The following SCRIB variants were observed in gnomAD, a reference collection of about 807,000 sequenced individuals.
The protein encoded by SCRIB is scribble planar cell polarity protein, also known as protein scribble homolog.
A neutral mutation model predicts 170.0 loss-of-function variants in SCRIB; 72 were observed. That is an observed-to-expected ratio of 0.42 (90% CI 0.35 to 0.52). The LOEUF is 0.52. Ranked by LOEUF, SCRIB falls within the 20% of genes least tolerant of loss-of-function variation. The pLI, the probability that SCRIB is intolerant of heterozygous loss-of-function variation, is 0.02. For synonymous variants in SCRIB, 1,298 were observed against 1,044.3 expected, an observed-to-expected ratio of 1.24 and a Z score of -4.68; for missense variants, 2,475 against 2,338.5, an observed-to-expected ratio of 1.06 and a Z score of -1.20.
rs782338125 is a variant in SCRIB, at chr8:143,803,448, C to T, written c.3538G>A (p.Val1180Met). The T allele has an allele frequency of 1.9e-6, 3 of 1,597,402 alleles. No individual in the cohort carries two copies. The highest frequency in any genetic ancestry group is 2.7e-5 in the African/African-American group (2 of 74,978). Residue 1180 changes from valine (V) to methionine (M), a missense_variant, in exon 24 of 37, where the codon GTG (valine) becomes ATG (methionine). Physicochemically the swap from Val to Met is conservative, Grantham distance 21 (BLOSUM62 1). Around this residue, in one of 3 missense-constraint regions of SCRIB, gnomAD observed 1,966 missense variants for 1,742.9 expected, o/e 1.13. Transcript: ENST00000356994. ...HGEAVQLLRS[V>M]GDTLTVLVCD... is the part of the protein sequence containing the mutation. Reference sequence around the variant, plus strand: ...ACCAGCACGGTGAGGGTGTCGCCCACACTGCGGAGCAGCTGCACCGCCTCG... The same window carrying T: ...ACCAGCACGGTGAGGGTGTCGCCCATACTGCGGAGCAGCTGCACCGCCTCG...
intron 28 of SCRIB, 186 bp from the exon 29 acceptor site, chr8:143,793,269 A>C: frequency 4.3e-6 from 2 of 468,940 alleles, no homozygotes; most frequent in Non-Finnish European, 3.7e-6. Context: ...AGTGGGGACA[A>C]CCTCTGCCCC....
At chr8:143,794,627 T>A (rs1026651156) in intron 27 of SCRIB, among the ~76,000 whole-genome samples, 3 of 151,954 alleles carry the variant, frequency 2.0e-5, no homozygotes, top group Middle Eastern at 3.2e-3. Context: ...CACATCCTCC[T>A]GCCTGTCCCC....
At chr8:143,810,171 C>A (rs1815640655) in intron 13 of SCRIB, among the ~76,000 whole-genome samples, 1 of 152,152 alleles carries the variant, frequency 6.6e-6, no homozygotes, top group Non-Finnish European at 1.5e-5. Context: ...GCCGATGACA[C>A]CCACGGCAGT....
chr8:143,805,131 G>A lies in SCRIB; in HGVS notation c.2651C>T (p.Pro884Leu), dbSNP rs782236072. The A allele has an allele frequency of 3.8e-6, 6 of 1,586,292 alleles. No individual in the cohort carries two copies. The highest frequency in any genetic ancestry group is 1.7e-5 in the Admixed American group (1 of 57,864). Residue 884 changes from proline to leucine, a missense_variant, in exon 19 of 37, where the codon CCC becomes CTC. Coordinates refer to ENST00000356994, the MANE Select transcript of SCRIB (RefSeq NM_182706.5). ...CCTCACCGCATCACCAGCCCTGTAGGGTGTGGAGCCTTTCCCACCAGCAAT... is the reference window on the plus strand; with the variant it reads ...CCTCACCGCATCACCAGCCCTGTAGAGTGTGGAGCCTTTCCCACCAGCAAT... ...FSIAGGKGST[P>L]YRAGDAGIFV... is the part of the protein sequence containing the mutation.
intron 33 of SCRIB, 33 bp downstream of exon 33, chr8:143,791,958 G>A (rs1171706677): frequency 9.4e-6 from 14 of 1,492,652 alleles, no homozygotes; most frequent in Non-Finnish European, 1.2e-5. Context: ...CATGCGGCAG[G>A]CTGACCCCCC....
intron 24 of SCRIB, 33 bp downstream of exon 24, chr8:143,803,349 AG>A (rs782553243): frequency 6.6e-7 from 1 of 1,513,972 alleles, no homozygotes; most frequent in South Asian, 1.2e-5. Context: ...GCTGGGCCAG[AG>A]GGAGGCCCGG....
chr8:143,808,574 A>G (rs1815542617), intron 15 of SCRIB, 35 bp downstream of exon 15: 4 of 1,489,470 alleles, frequency 2.7e-6, no homozygotes, highest in Admixed American at 2.4e-5. Flanking sequence ...GGGCCAGGGG[A>G]ATCTGGGTCA....
chr8:143,812,240 T>C, intron 9 of SCRIB, 26 bp downstream of exon 9: 1 of 1,471,942 alleles, frequency 6.8e-7, no homozygotes, highest in Non-Finnish European at 9.5e-7. Context: ...GGCCCCATCC[T>C]TTCTGCCTCC....
At position 143,792,870 on chromosome 8, in the gene SCRIB, G is replaced by C. The variant is rs1489363033; in HGVS notation, c.4018-3C>G. The C allele has an allele frequency of 1.3e-6, 2 of 1,510,488 alleles. No homozygotes were observed. Among genetic ancestry groups the C allele is most frequent in the South Asian group, 1.3e-5 (1 of 76,612 alleles). The allele number at this position is 1,510,488 out of a possible 1,614,324, so 93.6% of individuals were successfully genotyped here. A position where few individuals can be genotyped will look rare whatever the true frequency, so the allele number is the denominator to read the frequency against. On this transcript the variant is annotated splice_region_variant and splice_polypyrimidine_tract_variant and intron_variant, in intron 29 of 36. Coordinates refer to ENST00000356994, the MANE Select transcript of SCRIB (RefSeq NM_182706.5). ...GCTGCAGGCCCAGGCGTGGGGGGCT[G>C]GGGGGAGCGGACCTTGAGGTTTGGC...
At chr8:143,793,155 G>A (rs1037801310) in intron 28 of SCRIB, 72 bp from the exon 29 acceptor site, 8 of 849,274 alleles carry the variant, frequency 9.4e-6, no homozygotes, top group Admixed American at 7.1e-5. Flanking sequence ...ACTCACCACC[G>A]GCTGTCCCCC....
At chr8:143,797,775 C>T (rs1004965364) in intron 24 of SCRIB, among the ~76,000 whole-genome samples, 8 of 152,246 alleles carry the variant, frequency 5.3e-5, no homozygotes, top group Non-Finnish European at 5.9e-5. Context: ...GACAGAGGCA[C>T]GCTCCGACCG....
chr8:143,795,418 A>G lies in SCRIB; in HGVS notation c.3714+2T>C. The G allele has an allele frequency of 1.2e-6, 2 of 1,612,672 alleles. No homozygotes were observed. The highest frequency in any genetic ancestry group is 1.7e-6 in the Non-Finnish European group (2 of 1,179,594). ...GGGCTGCCGGCTGCAGGCACCTCTG[A>G]CCTTGCCTGGGCCCTCAGGGCTCAG... On this transcript the variant is annotated splice_donor_variant, in intron 25 of 36. Transcript: ENST00000356994. LOFTEE classifies it high-confidence loss of function.
Position 143,793,087 on chromosome 8 carries a change from G to C in SCRIB, c.3910-4C>G, listed in dbSNP as rs1293555454. 4.1e-6 allele frequency: 6 copies of C among 1,446,672 alleles called. No individual in the cohort carries two copies. Among genetic ancestry groups the C allele is most frequent in the Admixed American group, 2.5e-5 (1 of 39,552 alleles). 89.6% of individuals were successfully genotyped at this position (1,446,672 alleles called of 1,614,324 possible). Reference sequence around the variant, plus strand: ...CCGGAGAAGGCGGGGAGGGCGGCTGGGGGGTGGGGCTCTTGTGAGCTATGC... The same window carrying C: ...CCGGAGAAGGCGGGGAGGGCGGCTGCGGGGTGGGGCTCTTGTGAGCTATGC... On this transcript the variant is annotated splice_region_variant and splice_polypyrimidine_tract_variant and intron_variant, in intron 28 of 36. Transcript: ENST00000356994.
rs782665543 is a variant in SCRIB, at chr8:143,792,838, C to T, written c.4047G>A (p.Pro1349=). 26 of 1,534,536 alleles carry T rather than the reference C, an allele frequency of 1.7e-5. No individual in the cohort carries two copies. Among genetic ancestry groups the T allele is most frequent in the South Asian group, 6.2e-5 (5 of 80,080 alleles). ...QPPTPGPAAS[P]EQLSFRERQK... ...GCCGCTCCCGGAAGGACAGCTGCTC[C>T]GGGGAGGCTGCAGGCCCAGGCGTGG... Residue 1349 remains proline, a synonymous_variant, in exon 30 of 37, where the codon CCG becomes CCA. Coordinates refer to ENST00000356994, the MANE Select transcript of SCRIB (RefSeq NM_182706.5).
At chr8:143,796,905 G>A (rs569252014) in intron 24 of SCRIB, among the ~76,000 whole-genome samples, 37 of 152,282 alleles carry the variant, frequency 2.4e-4, no homozygotes, top group Admixed American at 6.5e-4. Context: ...TGCTGACTCC[G>A]ACAGCCACTA....
At chr8:143,812,664 G>T (rs1030725611) in intron 8 of SCRIB, among the ~76,000 whole-genome samples, 153 bp downstream of exon 8, 3 of 152,008 alleles carry the variant, frequency 2.0e-5, no homozygotes, top group Non-Finnish European at 2.9e-5. Flanking sequence ...GCTGCCCCAG[G>T]GTCCCACCTC....
At chr8:143,815,058 A>G (rs986937249) in intron 1 of SCRIB, 156 bp downstream of exon 1, 1 of 838,660 alleles carries the variant, frequency 1.2e-6, no homozygotes, top group Non-Finnish European at 1.7e-6. Flanking sequence ...GGGCGGCTGG[A>G]AGAGAAGGGT....
In SCRIB at chr8:143,805,178, G is replaced by A. The variant is rs767046372; in HGVS notation, c.2604C>T (p.Ser868=). The A allele has an allele frequency of 1.7e-5, 26 of 1,573,726 alleles. No individual in the cohort carries two copies. The highest frequency in any genetic ancestry group is 8.1e-5 in the African/African-American group (6 of 74,004). Residue 868 remains serine (S), a synonymous_variant, in exon 19 of 37, where the codon AGC becomes AGT. Transcript: ENST00000356994. ...CAATGCTGAAGCCCAGCCCCCTCTC[G>A]CTGCGTGCCAGGCAGGCCACGTGGC... ...RQRHVACLAR[S]ERGLGFSIAG...
In SCRIB at chr8:143,803,555, G is replaced by A; in HGVS notation, c.3431C>T (p.Ala1144Val). Residue 1144 changes from alanine to valine, a missense_variant, in exon 24 of 37, where the codon GCA becomes GTA. By Grantham distance (64) the Ala-to-Val change is moderately conservative. Around this residue, in one of 3 missense-constraint regions of SCRIB, gnomAD observed 1,966 missense variants for 1,742.9 expected, o/e 1.13. Transcript: ENST00000356994. ...IFISKVSPTG[A>V]AGRDGRLRVG... is the part of the protein sequence containing the mutation. ...ACGCAGCCGACCGTCGCGCCCGGCT[G>A]CCCCCGTGGGGCTCACCTGTGGGGA... is the stretch of plus-strand genomic sequence containing the variant. 7.2e-6 allele frequency: 10 copies of A among 1,387,674 alleles called. No homozygotes were observed. The highest frequency in any genetic ancestry group is 9.6e-6 in the Non-Finnish European group (10 of 1,044,174). The allele number at this position is 1,387,674 out of a possible 1,614,324, so 86.0% of individuals were successfully genotyped here. A position where few individuals can be genotyped will look rare whatever the true frequency, so the allele number is the denominator to read the frequency against.
Sources: gnomAD v4.1 joint callset for allele counts (sites outside exome capture counted in the v4.1 genomes callset) on GRCh38, gnomAD v4.1.1 for gene constraint, gnomAD v4.1.1 regional missense constraint, MANE v1.5 for transcripts, NCBI Gene and HGNC (gene_info 2026-07-23, HGNC 2026-07-21) for gene names.